DNAH5: variants seen among roughly 807,000 people sequenced by gnomAD.
DNAH5 encodes dynein axonemal heavy chain 5.
DNAH5 carries 372 observed loss-of-function variants against 518.2 expected under a neutral mutation model. The ratio of observed to expected loss-of-function variants is 0.72; its 90% CI spans 0.66 to 0.78. The LOEUF is 0.78. Among genes scored for constraint, DNAH5 ranks in the 30% least tolerant of loss-of-function variants. The pLI is 0.00. For synonymous variants in DNAH5, 2,039 were observed against 2,025.9 expected (o/e 1.01, Z -0.17); for missense variants, 5,523 against 5,687.0 (o/e 0.97, Z 0.93).
At chr5:13,951,474 C>A (rs114919367) in intron 1 of DNAH5, among the ~76,000 whole-genome samples, 10,962 of 152,104 alleles carry the variant, frequency 0.072, 581 homozygotes, top group Non-Finnish European at 0.099. Context: ...CCCGCCTCAG[C>A]CTCCCGAGGT....
At chr5:13,759,530 T>C (rs1187969899) in intron 60 of DNAH5, among the ~76,000 whole-genome samples, 3 of 152,266 alleles carry the variant, frequency 2.0e-5, no homozygotes, top group Non-Finnish European at 4.4e-5. Context: ...GATTATTTAC[T>C]GAATATAAAT....
At chr5:13,700,309 T>A (rs911529084) in intron 78 of DNAH5, among the ~76,000 whole-genome samples, 2 of 152,190 alleles carry the variant, frequency 1.3e-5, no homozygotes, top group Admixed American at 1.3e-4. Context: ...GCTCACTTCA[T>A]CCCGCTGTTA....
chr5:13,784,745 G>A (rs890022728), intron 52 of DNAH5, among the ~76,000 whole-genome samples: 7 of 152,150 alleles, frequency 4.6e-5, no homozygotes, highest in East Asian at 1.9e-4. Context: ...GATGTAGTCC[G>A]GAAAAGTAGT....
At chr5:13,943,576 C>G (rs1779656936) in intron 1 of DNAH5, among the ~76,000 whole-genome samples, 2 of 152,270 alleles carry the variant, frequency 1.3e-5, no homozygotes, top group South Asian at 4.1e-4. Context: ...GGCTGCAAGA[C>G]GTTCACCTTG....
At chr5:13,794,083 C>T (rs780065407) in intron 47 of DNAH5, 25 bp from the exon 48 acceptor site, 3 of 1,613,730 alleles carry the variant, frequency 1.9e-6, no homozygotes, top group Non-Finnish European at 2.5e-6. Flanking sequence ...TCAACTGAAA[C>T]ATCTGTGAAA....
intron 78 of DNAH5, among the ~76,000 whole-genome samples, chr5:13,692,499 A>G (rs1445336463): frequency 6.6e-6 from 1 of 152,120 alleles, no homozygotes; most frequent in Admixed American, 6.5e-5. Context: ...ACACACATCT[A>G]CTTTTACTCA....
At chr5:13,780,529 A>G (rs1442796674) in intron 53 of DNAH5, among the ~76,000 whole-genome samples, 1 of 152,266 alleles carries the variant, frequency 6.6e-6, no homozygotes, top group Non-Finnish European at 1.5e-5. Context: ...AACACTCAAC[A>G]GGGACAATTG....
chr5:13,955,223 T>C (rs554169373), intron 1 of DNAH5, among the ~76,000 whole-genome samples: 3 of 152,154 alleles, frequency 2.0e-5, no homozygotes, highest in Non-Finnish European at 4.4e-5. Flanking sequence ...TCTCTCTCTC[T>C]CCTGCCACCA....
rs367946282 is a variant in DNAH5, at chr5:13,792,195, G to A, written c.8247C>T (p.Tyr2749=). The change falls in exon 50 of 79, where the codon TAC becomes TAT. Residue 2749 remains tyrosine, a synonymous_variant. Transcript: ENST00000265104. ...CTTCTGAGAAACCCCTCTGAGTACA[G>A]TAGTGGCCTACCCCAATCACACCTG... The part of the protein sequence containing the change: ...KIFGVIGVGH[Y]CTQRGFSEEV... The A allele has an allele frequency of 3.9e-5, 63 of 1,613,954 alleles. No homozygotes were observed. The African/African-American group carries it at 7.5e-4, about 19-fold the overall frequency.
intron 61 of DNAH5, among the ~76,000 whole-genome samples, chr5:13,757,502 T>G (rs1751168705): frequency 6.6e-6 from 1 of 152,194 alleles, no homozygotes; most frequent in Non-Finnish European, 1.5e-5. Flanking sequence ...ATGTATGTCT[T>G]TTTTTGAAAA....
Position 13,751,546 on chromosome 5 carries a change from T to C in DNAH5, c.11029-286A>G, listed in dbSNP as rs531662562. Among the ~76,000 whole-genome samples, 3 of 152,296 alleles carry C rather than the reference T, an allele frequency of 2.0e-5. No individual in the cohort carries two copies. In the South Asian group the frequency reaches 6.2e-4, roughly 32 times the overall value. ...TTATGATCACATTGCAGGAGTGAGA[T>C]GGATCCCTTACCCAAAATTCAGTTC... On this transcript the variant is annotated intron_variant, in intron 64 of 78. Coordinates refer to ENST00000265104, the MANE Select transcript of DNAH5 (RefSeq NM_001369.3).
intron 1 of DNAH5, among the ~76,000 whole-genome samples, chr5:13,949,725 A>T (rs1327853248): frequency 2.6e-5 from 4 of 152,238 alleles, no homozygotes; most frequent in Admixed American, 2.6e-4. Flanking sequence ...TTCATGTAGA[A>T]AGTGTAAGAA....
intron 1 of DNAH5, among the ~76,000 whole-genome samples, chr5:13,991,033 C>T (rs1169552708): frequency 6.6e-6 from 1 of 152,190 alleles, no homozygotes; most frequent in African/African-American, 2.4e-5. Context: ...TGCTTCCCCT[C>T]TCAGAGCACA....
At chr5:13,750,995 T>C (rs1404031872) in intron 65 of DNAH5, 83 bp downstream of exon 65, 1 of 1,440,058 alleles carries the variant, frequency 6.9e-7, no homozygotes, top group Non-Finnish European at 9.7e-7. Flanking sequence ...CTCAGTCCTA[T>C]TACAACTGTT....
intron 32 of DNAH5, among the ~76,000 whole-genome samples, chr5:13,844,440 C>CA (rs1382087541): frequency 2.6e-4 from 40 of 152,026 alleles, no homozygotes; most frequent in African/African-American, 9.2e-4. Flanking sequence ...GTTAAAAAAA[C>CA]AAAAAAAGTT....
chr5:13,933,599 T>C (rs1259440001), intron 1 of DNAH5, among the ~76,000 whole-genome samples: 2 of 152,048 alleles, frequency 1.3e-5, no homozygotes, highest in Non-Finnish European at 2.9e-5. Flanking sequence ...AAGACCAGCC[T>C]GGCCAACGTG....
At chr5:13,853,152 G>C (rs1209513383) in intron 30 of DNAH5, among the ~76,000 whole-genome samples, 1 of 152,192 alleles carries the variant, frequency 6.6e-6, no homozygotes, top group African/African-American at 2.4e-5. Context: ...GCCCCTCTCA[G>C]ACAAAGCTTC....
At position 13,752,405 on chromosome 5, in the gene DNAH5, G is replaced by A. The variant is rs1750368863; in HGVS notation, c.10873-116C>T. The A allele has an allele frequency of 2.4e-6, 3 of 1,269,006 alleles. No individual in the cohort carries two copies. In the South Asian group the frequency reaches 3.7e-5, roughly 16 times the overall value. The allele number at this position is 1,269,006 out of a possible 1,614,324, so 78.6% of individuals were successfully genotyped here. Reference sequence around the variant, plus strand: ...CTACTGCAAGAGACAAATACAAATTGAGCATCCAAAATGTTCCCAAATACA... The same window carrying A: ...CTACTGCAAGAGACAAATACAAATTAAGCATCCAAAATGTTCCCAAATACA... On this transcript the variant is annotated intron_variant, in intron 63 of 78. Transcript: ENST00000265104.
chr5:13,770,720 A>G, intron 56 of DNAH5, 29 bp downstream of exon 56: 1 of 1,599,090 alleles, frequency 6.3e-7, no homozygotes, highest in African/African-American at 1.3e-5. Flanking sequence ...CGGCTTTAAT[A>G]TAGCTTTGTA....
Sources: gnomAD v4.1 joint callset for allele counts (sites outside exome capture counted in the v4.1 genomes callset) on GRCh38, gnomAD v4.1.1 for gene constraint, MANE v1.5 for transcripts, NCBI Gene and HGNC (gene_info 2026-07-23, HGNC 2026-07-21) for gene names.